Variants in ZSCAN20 observed in about 807,000 individuals in gnomAD.
ZSCAN20 encodes zinc finger and SCAN domain containing 20.
ZSCAN20 carries 39 observed loss-of-function variants against 97.1 expected under a neutral mutation model. The observed-to-expected ratio is 0.40, with a 90% confidence interval of 0.31 to 0.52. The LOEUF (loss-of-function observed/expected upper bound fraction) is 0.52, where lower values mean the gene tolerates loss of function less well. Ranked by LOEUF, ZSCAN20 falls within the 20% of genes least tolerant of loss-of-function variation. ZSCAN20 has a pLI of 0.49. For synonymous variants in ZSCAN20, 456 were observed against 467.3 expected (o/e 0.98, Z 0.31); for missense variants, 1,115 against 1,290.4 (o/e 0.86, Z 2.08).
Position 33,479,383 on chromosome 1 carries a change from C to T in ZSCAN20, c.95C>T (p.Ser32Leu). The change falls in exon 2 of 8, where the codon TCA becomes TTA. Residue 32 changes from serine (S) to leucine (L), a missense_variant. Ser to Leu is a moderately radical substitution (Grantham distance 145). Coordinates refer to ENST00000684572, the MANE Select transcript of ZSCAN20 (RefSeq NM_001377376.1). ...AAACTGGAAGAGGACTCTTGGGGATCAGAATCCAAACTCTGGGAGAAGGAC... is the reference window on the plus strand; with the variant it reads ...AAACTGGAAGAGGACTCTTGGGGATTAGAATCCAAACTCTGGGAGAAGGAC... ...IVKLEEDSWG[S>L]ESKLWEKDRG... is the part of the protein sequence containing the mutation. 2 of 1,614,256 alleles carry T rather than the reference C, an allele frequency of 1.2e-6. No individual in the cohort carries two copies. The highest frequency in any genetic ancestry group is 8.5e-7 in the Non-Finnish European group (1 of 1,180,034).
rs1383822692 is a variant in ZSCAN20, at chr1:33,498,130, G to A, written c.*2654G>A. Among the ~76,000 whole-genome samples, 2 of 152,152 alleles carry A rather than the reference G, an allele frequency of 1.3e-5. No individual in the cohort carries two copies. The highest frequency in any genetic ancestry group is 4.8e-5 in the African/African-American group (2 of 41,430). ...CCCCACTCCCACCCACTACCATCAT[G>A]TTCTGGACCCTGTCTTCTTTGTTAC... On this transcript the variant is annotated 3_prime_UTR_variant, in exon 8 of 8. Transcript: ENST00000684572.
Position 33,493,605 on chromosome 1 carries a change from C to A in ZSCAN20, c.1863C>A (p.Ala621=), listed in dbSNP as rs774000316. 8.9e-6 allele frequency: 14 copies of A among 1,576,100 alleles called. No homozygotes were observed. In the African/African-American group the frequency reaches 1.9e-4, roughly 21 times the overall value. ...AVKPSTLCPK[A]PDMGFEMRHE... ...AACCTTCAACCTTGTGTCCTAAAGC[C>A]CCAGACATGGGTAAGCCTGGAGTAA... The change falls in exon 7 of 8, where the codon GCC becomes GCA. Residue 621 remains alanine, a synonymous_variant. Coordinates refer to ENST00000684572, the MANE Select transcript of ZSCAN20 (RefSeq NM_001377376.1). The surrounding 1 kb of genome is among the most constrained non-coding windows in gnomAD (Gnocchi z 4.3).
rs1165377106 is a variant in ZSCAN20 at position 33,497,032 on chromosome 1, C to T, written c.*1556C>T. Among the ~76,000 whole-genome samples the T allele has an allele frequency of 6.6e-6, 1 of 152,194 alleles. No homozygotes were observed. The highest frequency in any genetic ancestry group is 2.4e-5 in the African/African-American group (1 of 41,428). On this transcript the variant is annotated 3_prime_UTR_variant, in exon 8 of 8. Transcript: ENST00000684572. The stretch of plus-strand genomic sequence containing the variant: ...AGGAAAATCCCCCTCCTGCCATCCT[C>T]TTATGACACTAGGATGTATTCATAA...
chr1:33,473,932 C>G (rs1478059270), intron 1 of ZSCAN20, among the ~76,000 whole-genome samples: 1 of 152,322 alleles, frequency 6.6e-6, no homozygotes, highest in East Asian at 1.9e-4. Context: ...TGAATGAAGA[C>G]CATGCAGGGT....
Position 33,498,912 on chromosome 1 carries a change from G to A in ZSCAN20, c.*3436G>A, listed in dbSNP as rs537168550. On this transcript the variant is annotated 3_prime_UTR_variant, in exon 8 of 8. Coordinates refer to ENST00000684572, the MANE Select transcript of ZSCAN20 (RefSeq NM_001377376.1). ...CAAAGGTAGGGGCAGGGAAAGGAGG[G>A]GCCAAGACTTTTTCAGATACTCGGT... is the stretch of plus-strand genomic sequence containing the variant. Among the ~76,000 whole-genome samples the A allele has an allele frequency of 1.2e-3, 187 of 152,278 alleles. No individual in the cohort carries two copies. Among genetic ancestry groups the A allele is most frequent in the African/African-American group, 4.4e-3 (184 of 41,568 alleles).
At chr1:33,479,805 A>T in intron 2 of ZSCAN20, 100 bp downstream of exon 2, 7 of 1,243,570 alleles carry the variant, frequency 5.6e-6, no homozygotes, top group African/African-American at 1.5e-5. Flanking sequence ...AAATAACAAT[A>T]GTTATTGAGA....
chr1:33,495,434 C>A lies in ZSCAN20; in HGVS notation c.3090C>A (p.Phe1030Leu). 1.9e-6 allele frequency: 3 copies of A among 1,570,324 alleles called. No individual in the cohort carries two copies. The highest frequency in any genetic ancestry group is 1.7e-6 in the Non-Finnish European group (2 of 1,157,538). The stretch of plus-strand genomic sequence containing the variant: ...AAGACTTCAACAACAGTTCCCACTT[C>A]AGTGCTCACCGGAGAACCCATGCAG... ...CGKDFNNSSH[F>L]SAHRRTHAGG... Residue 1030 changes from phenylalanine to leucine, a missense_variant, in exon 8 of 8, where the codon TTC becomes TTA. This residue lies in a region of ZSCAN20 where 554 missense variants were observed against 584.9 expected (regional missense o/e 0.95). Coordinates refer to ENST00000684572, the MANE Select transcript of ZSCAN20 (RefSeq NM_001377376.1).
In ZSCAN20 at chr1:33,496,774, A is replaced by G. The variant is rs1262378783; in HGVS notation, c.*1298A>G. On this transcript the variant is annotated 3_prime_UTR_variant, in exon 8 of 8. Transcript: ENST00000684572. ...GTCATCTACTGAGAGGGCCTTGACC[A>G]CTGTTCTGTGTACCAGGTTCTTGGC... Among the ~76,000 whole-genome samples, 1 of 152,108 alleles carries G rather than the reference A, an allele frequency of 6.6e-6. No homozygotes were observed. The highest frequency in any genetic ancestry group is 1.5e-5 in the Non-Finnish European group (1 of 68,016).
chr1:33,491,154 C>A lies in ZSCAN20; in HGVS notation c.896C>A (p.Ala299Glu), dbSNP rs202005192. 1 of 1,614,042 alleles carries A rather than the reference C, an allele frequency of 6.2e-7. No individual in the cohort carries two copies. The highest frequency in any genetic ancestry group is 8.5e-7 in the Non-Finnish European group (1 of 1,180,004). Residue 299 changes from alanine to glutamate, a missense_variant, in exon 6 of 8, where the codon GCA (alanine) becomes GAA (glutamate). Coordinates refer to ENST00000684572, the MANE Select transcript of ZSCAN20 (RefSeq NM_001377376.1). The surrounding 1 kb of genome is among the most constrained non-coding windows in gnomAD (Gnocchi z 4.3). ...DYSLDNEPAQ[A>E]LTWRDSRAWE... ...AGCCTGGATAATGAGCCAGCTCAGG[C>A]ATTGACCTGGAGGGATTCAAGAGCC...
At position 33,479,255 on chromosome 1, in the gene ZSCAN20, C is replaced by A; in HGVS notation, c.-34C>A. On this transcript the variant is annotated 5_prime_UTR_variant, in exon 2 of 8. It introduces an in-frame stop codon into an upstream open reading frame of the 5' UTR. Coordinates refer to ENST00000684572, the MANE Select transcript of ZSCAN20 (RefSeq NM_001377376.1). ...GATGCAGGAAGACATTGGATGAGGT[C>A]AGCATAGCTGAAGTGAGGTGTCTGG... The A allele has an allele frequency of 1.3e-6, 2 of 1,560,042 alleles. No individual in the cohort carries two copies. The highest frequency in any genetic ancestry group is 2.5e-5 in the South Asian group (2 of 81,470).
At position 33,500,113 on chromosome 1, in the gene ZSCAN20, C is replaced by T. The variant is rs1271680244; in HGVS notation, c.*4637C>T. 1.3e-5 allele frequency among the ~76,000 whole-genome samples: 2 copies of T among 152,214 alleles called. No homozygotes were observed. Among genetic ancestry groups the T allele is most frequent in the Non-Finnish European group, 2.9e-5 (2 of 68,046 alleles). On this transcript the variant is annotated 3_prime_UTR_variant, in exon 8 of 8. Transcript: ENST00000684572. ...CTGTTTCTTCACACTCCCAGCATCA[C>T]TATTACTGCTAGCATGTCTTTAGCA...
chr1:33,485,733 C>T (rs188119796), intron 2 of ZSCAN20, among the ~76,000 whole-genome samples: 17 of 152,098 alleles, frequency 1.1e-4, no homozygotes, highest in Non-Finnish European at 2.1e-4. Context: ...CTTAGTCTGA[C>T]TAGAGGCTTA....
rs372908315 is a variant in ZSCAN20, at chr1:33,494,622, C to T, written c.2278C>T (p.His760Tyr). ...TAACCTCAATACCCATCAGAGAATC[C>T]ACACTGGAGAGAAGCCCTATAAATG... is the stretch of plus-strand genomic sequence containing the variant. ...RSNLNTHQRIHTGEKPYKCLE... is the reference protein window; with the variant it reads ...RSNLNTHQRIYTGEKPYKCLE... The change falls in exon 8 of 8, where the codon CAC becomes TAC. Residue 760 changes from histidine (H) to tyrosine (Y), a missense_variant. Physicochemically the swap from His to Tyr is moderately conservative, Grantham distance 83. This residue lies in a region of ZSCAN20 where 554 missense variants were observed against 584.9 expected (regional missense o/e 0.95). Coordinates refer to ENST00000684572, the MANE Select transcript of ZSCAN20 (RefSeq NM_001377376.1). The T allele has an allele frequency of 6.2e-7, 1 of 1,613,862 alleles. No individual in the cohort carries two copies. Among genetic ancestry groups the T allele is most frequent in the Non-Finnish European group, 8.5e-7 (1 of 1,179,872 alleles).
In ZSCAN20 at chr1:33,494,619, A is replaced by G. The variant is rs766710121; in HGVS notation, c.2275A>G (p.Ile759Val). Residue 759 changes from isoleucine to valine, a missense_variant, in exon 8 of 8, where the codon ATC becomes GTC. Physicochemically the swap from Ile to Val is conservative, Grantham distance 29. Around this residue, in one of 3 missense-constraint regions of ZSCAN20, gnomAD observed 554 missense variants for 584.9 expected, o/e 0.95. Transcript: ENST00000684572. The part of the protein sequence containing the change: ...DRSNLNTHQR[I>V]HTGEKPYKCL... ...CTCTAACCTCAATACCCATCAGAGA[A>G]TCCACACTGGAGAGAAGCCCTATAA... 1 of 1,614,046 alleles carries G rather than the reference A, an allele frequency of 6.2e-7. No individual in the cohort carries two copies. The highest frequency in any genetic ancestry group is 8.5e-7 in the Non-Finnish European group (1 of 1,179,892).
In ZSCAN20 at chr1:33,497,574, G is replaced by A. The variant is rs767139363; in HGVS notation, c.*2098G>A. ...TGAATGGAGTGTCAACACCAGGCCC[G>A]GGGCAATGTTCAGATGTGCATGGTT... On this transcript the variant is annotated 3_prime_UTR_variant, in exon 8 of 8. Coordinates refer to ENST00000684572, the MANE Select transcript of ZSCAN20 (RefSeq NM_001377376.1). Among the ~76,000 whole-genome samples, 9 of 152,256 alleles carry A rather than the reference G, an allele frequency of 5.9e-5. No individual in the cohort carries two copies. The highest frequency in any genetic ancestry group is 1.3e-4 in the Admixed American group (2 of 15,300).
chr1:33,480,335 C>G (rs1652105797), intron 2 of ZSCAN20, among the ~76,000 whole-genome samples: 1 of 152,080 alleles, frequency 6.6e-6, no homozygotes, highest in Non-Finnish European at 1.5e-5. Context: ...ATGGTGAAAC[C>G]CTGTCTCTAC....
intron 6 of ZSCAN20, chr1:33,492,278 T>C (rs4652901): frequency 0.77 from 116,879 of 152,134 alleles, 45,243 homozygotes; most frequent in African/African-American, 0.82. Context: ...TCCTGCCTGC[T>C]GGTTTCACAT....
At position 33,498,140 on chromosome 1, in the gene ZSCAN20, C is replaced by G. The variant is rs1652940959; in HGVS notation, c.*2664C>G. On this transcript the variant is annotated 3_prime_UTR_variant, in exon 8 of 8. Transcript: ENST00000684572. ...ACCCACTACCATCATGTTCTGGACC[C>G]TGTCTTCTTTGTTACTGACCCCTGA... Among the ~76,000 whole-genome samples, 1 of 152,146 alleles carries G rather than the reference C, an allele frequency of 6.6e-6. No individual in the cohort carries two copies. The highest frequency in any genetic ancestry group is 1.5e-5 in the Non-Finnish European group (1 of 68,022).
chr1:33,490,907 A>T, intron 5 of ZSCAN20, 118 bp from the exon 6 acceptor site: 1 of 916,548 alleles, frequency 1.1e-6, no homozygotes, highest in South Asian at 1.8e-5. Context: ...TTATGGGATC[A>T]ACTTGGGAAT....
Sources: allele counts gnomAD v4.1 joint callset (sites outside exome capture counted in the v4.1 genomes callset), GRCh38; gene constraint gnomAD v4.1.1; regional missense constraint gnomAD v4.1.1; non-coding constraint Gnocchi (gnomAD v3.1); transcripts MANE v1.5; gene names NCBI Gene and HGNC (gene_info 2026-07-23, HGNC 2026-07-21).